Variants in MFSD8 observed in about 807,000 individuals in gnomAD.
MFSD8 encodes major facilitator superfamily domain containing 8, also known as major facilitator superfamily domain-containing protein 8.
MFSD8 carries 55 observed loss-of-function variants against 66.4 expected under a neutral mutation model. The observed-to-expected ratio is 0.83, with a 90% CI of 0.67 to 1.04. MFSD8 has a LOEUF of 1.04. MFSD8 is among the 50% of genes least tolerant of loss of function. The pLI is 0.00. For synonymous variants in MFSD8, 202 were observed against 212.8 expected, an observed-to-expected ratio of 0.95 and a Z score of 0.44; for missense variants, 550 against 627.6, an observed-to-expected ratio of 0.88 and a Z score of 1.32.
At chr4:127,962,759 C>CT (rs1484116046) in intron 1 of MFSD8, among the ~76,000 whole-genome samples, 2 of 152,192 alleles carry the variant, frequency 1.3e-5, no homozygotes, top group Non-Finnish European at 2.9e-5. Context: ...GGACATCACT[C>CT]TACTAAAATT....
intron 5 of MFSD8, among the ~76,000 whole-genome samples, chr4:127,941,586 C>CAAGT (rs1269222100): frequency 8.5e-5 from 13 of 152,078 alleles, no homozygotes; most frequent in Admixed American, 7.2e-4. Context: ...CTCAGCCTCC[C>CAAGT]AAGTAGCTGG....
chr4:127,963,859 G>A (rs1204060533), intron 1 of MFSD8, among the ~76,000 whole-genome samples: 2 of 152,122 alleles, frequency 1.3e-5, no homozygotes, highest in African/African-American at 4.8e-5. Flanking sequence ...TGGTAGAGCC[G>A]AGTAGTCTGT....
intron 2 of MFSD8, among the ~76,000 whole-genome samples, chr4:127,955,631 A>C (rs1374059266): frequency 6.6e-6 from 1 of 151,948 alleles, no homozygotes; most frequent in Non-Finnish European, 1.5e-5. Flanking sequence ...TAATTATCTC[A>C]AACTGAAGGC....
intron 4 of MFSD8, 54 bp from the exon 5 acceptor site, chr4:127,942,212 A>C: frequency 7.2e-7 from 1 of 1,386,022 alleles, no homozygotes; most frequent in Non-Finnish European, 1.0e-6. Context: ...TTCAGCTTAT[A>C]AAATTCAATC....
chr4:127,962,282 C>T (rs1159463115), intron 1 of MFSD8, among the ~76,000 whole-genome samples: 1 of 152,054 alleles, frequency 6.6e-6, no homozygotes, highest in Non-Finnish European at 1.5e-5. Flanking sequence ...AGCCTGGCCA[C>T]CTGGTGAAAC....
chr4:127,928,994 T>G (rs550602038), intron 9 of MFSD8, among the ~76,000 whole-genome samples: 2 of 152,038 alleles, frequency 1.3e-5, no homozygotes, highest in Admixed American at 6.6e-5. Context: ...GAAAGACAAA[T>G]TATCACATGT....
chr4:127,933,192 T>C (rs369919650), intron 7 of MFSD8, 99 bp from the exon 8 acceptor site: 1 of 968,538 alleles, frequency 1.0e-6, no homozygotes, highest in Non-Finnish European at 1.6e-6. Context: ...AATTTATAAA[T>C]AAACATTTAA....
Position 127,930,830 on chromosome 4 carries a change from A to C in MFSD8, c.864-13T>G. The C allele has an allele frequency of 6.3e-7, 1 of 1,599,454 alleles. No homozygotes were observed. Among genetic ancestry groups the C allele is most frequent in the Non-Finnish European group, 8.5e-7 (1 of 1,172,734 alleles). On this transcript the variant is annotated splice_polypyrimidine_tract_variant and intron_variant, in intron 8 of 11. Coordinates refer to ENST00000641686, the MANE Select transcript of MFSD8 (RefSeq NM_001371596.2). ...TGGAGTAATGATGCTAAGAAAAAAA[A>C]AATTATTCTTATTTTATTTAAATCA...
intron 5 of MFSD8, among the ~76,000 whole-genome samples, chr4:127,940,205 A>G (rs1015169079): frequency 2.6e-5 from 4 of 152,124 alleles, no homozygotes; most frequent in African/African-American, 7.2e-5. Flanking sequence ...AGATATACAT[A>G]TGGTACATAA....
chr4:127,923,705 G>A (rs1736738231), intron 9 of MFSD8, among the ~76,000 whole-genome samples: 1 of 151,344 alleles, frequency 6.6e-6, no homozygotes, highest in African/African-American at 2.4e-5. Context: ...TCAGTCTCCT[G>A]AGTAGCTGGG....
intron 6 of MFSD8, 165 bp from the exon 7 acceptor site, chr4:127,939,003 A>T (rs1739624507): frequency 2.1e-6 from 1 of 469,554 alleles, no homozygotes; most frequent in African/African-American, 2.0e-5. Context: ...TAAACTTAAG[A>T]CAGAAGTTAC....
In MFSD8 at chr4:127,930,735, G is replaced by C. The variant is rs1254192317; in HGVS notation, c.946C>G (p.Leu316Val). Residue 316 changes from leucine (L) to valine (V), a missense_variant, in exon 9 of 12, where the codon CTT (leucine) becomes GTT (valine). Physicochemically the swap from Leu to Val is conservative, Grantham distance 32. Coordinates refer to ENST00000641686, the MANE Select transcript of MFSD8 (RefSeq NM_001371596.2). Reference protein sequence around the residue: ...VLYNGIILAALGVEAVVIFLG... With the variant: ...VLYNGIILAAVGVEAVVIFLG... ...AAAATAACAACGGCTTCAACCCCAA[G>C]AGCAGCAAGTATTATGCCATTATAT... is the stretch of plus-strand genomic sequence containing the variant. 1.2e-6 allele frequency: 2 copies of C among 1,613,476 alleles called. No homozygotes were observed. Among genetic ancestry groups the C allele is most frequent in the Non-Finnish European group, 1.7e-6 (2 of 1,179,776 alleles).
upstream of MFSD8, chr4:127,965,213 C>A: frequency 6.4e-7 from 1 of 1,561,966 alleles, no homozygotes; most frequent in East Asian, 2.3e-5. Flanking sequence ...GTGAAGCTGG[C>A]AAAACAAGCC....
In MFSD8 at chr4:127,926,322, C is replaced by A. The variant is rs1737200985; in HGVS notation, c.999-4359G>T. ...GGTCAGGAGATCGAGACCATCCAGGCCATTGCATGGCTCTTTGCTGACTTC... is the reference window on the plus strand; with the variant it reads ...GGTCAGGAGATCGAGACCATCCAGGACATTGCATGGCTCTTTGCTGACTTC... On this transcript the variant is annotated intron_variant, in intron 9 of 11. Transcript: ENST00000641686. 1.4e-5 allele frequency among the ~76,000 whole-genome samples: 2 copies of A among 147,916 alleles called. 1 individual carries two copies. The highest frequency in any genetic ancestry group is 1.4e-4 in the Admixed American group (2 of 14,214).
intron 3 of MFSD8, among the ~76,000 whole-genome samples, chr4:127,945,871 T>A (rs528852010): frequency 9.4e-4 from 142 of 151,786 alleles, no homozygotes; most frequent in African/African-American, 3.3e-3. Flanking sequence ...AAAAAAGCAA[T>A]GAAAACTCAA....
At chr4:127,964,293 G>A (rs905798575) in intron 1 of MFSD8, among the ~76,000 whole-genome samples, 1 of 152,228 alleles carries the variant, frequency 6.6e-6, no homozygotes, top group African/African-American at 2.4e-5. Context: ...AGGGAGCGGC[G>A]CTCATCGGGG....
chr4:127,931,636 C>T (rs1171306774), intron 8 of MFSD8, among the ~76,000 whole-genome samples: 8 of 152,246 alleles, frequency 5.3e-5, no homozygotes, highest in Admixed American at 4.6e-4. Flanking sequence ...CGATTACAGG[C>T]GTGAGCCACC....
intron 3 of MFSD8, among the ~76,000 whole-genome samples, chr4:127,945,137 A>G (rs2148926838): frequency 6.6e-6 from 1 of 152,222 alleles, no homozygotes; most frequent in South Asian, 2.1e-4. Context: ...ACCTGTGAAA[A>G]GCCACTGCAC....
At position 127,965,144 on chromosome 4, in the gene MFSD8, C is replaced by T. The variant is rs753641515; in HGVS notation, c.-11G>A. On this transcript the variant is annotated 5_prime_UTR_variant, in exon 1 of 12. Transcript: ENST00000641686. ...CCGCAGGCCGGCCATAGTTACACTC[C>T]CTACAAGGCGTCTTGCGCCCAACTC... The T allele has an allele frequency of 6.2e-7, 1 of 1,613,928 alleles. No homozygotes were observed. The highest frequency in any genetic ancestry group is 1.1e-5 in the South Asian group (1 of 91,062).
Sources: gnomAD v4.1 joint callset for allele counts (sites outside exome capture counted in the v4.1 genomes callset) on GRCh38, gnomAD v4.1.1 for gene constraint, MANE v1.5 for transcripts, NCBI Gene and HGNC (gene_info 2026-07-23, HGNC 2026-07-21) for gene names.